Variants in SUGP2 observed in about 807,000 individuals in gnomAD.
SUGP2 encodes SURP and G-patch domain containing 2.
Under a neutral mutation model 90.5 loss-of-function variants are expected in SUGP2, and 24 were observed. The ratio of observed to expected loss-of-function variants is 0.27; its 90% CI spans 0.19 to 0.37. The LOEUF is 0.37. Ranked by LOEUF, SUGP2 falls within the 10% of genes least tolerant of loss-of-function variation. The pLI is 1.00. For missense variants in SUGP2, 1,233 were observed against 1,363.3 expected, an observed-to-expected ratio of 0.90 and a Z score of 1.51; for synonymous variants, 473 against 513.4, an observed-to-expected ratio of 0.92 and a Z score of 1.06.
chr19:19,031,961 G>C, intron 1 of SUGP2, among the ~76,000 whole-genome samples: 1 of 151,438 alleles, frequency 6.6e-6, no homozygotes, highest in East Asian at 1.9e-4. Context: ...AAGTTCACAG[G>C]TGTGTGCTGG....
rs748763593 is a variant in SUGP2 at position 19,025,759 on chromosome 19, C to A, written c.589G>T (p.Gly197Trp). Residue 197 changes from glycine (G) to tryptophan (W), a missense_variant, in exon 3 of 11, where the codon GGG (glycine) becomes TGG (tryptophan). Transcript: ENST00000452918. Reference protein sequence around the residue: ...ESRDYDVDHPGEADSVLRGGS... With the variant: ...ESRDYDVDHPWEADSVLRGGS... ...CCCCTAAGCACAGAGTCAGCCTCCC[C>A]AGGATGGTCCACGTCATAATCCCGA... 1.2e-6 allele frequency: 2 copies of A among 1,614,010 alleles called. No homozygotes were observed. Among genetic ancestry groups the A allele is most frequent in the Non-Finnish European group, 1.7e-6 (2 of 1,179,982 alleles).
intron 3 of SUGP2, among the ~76,000 whole-genome samples, chr19:19,024,385 C>A (rs1210122425): frequency 6.6e-6 from 1 of 152,232 alleles, no homozygotes; most frequent in African/African-American, 2.4e-5. Flanking sequence ...GCTGGGATTA[C>A]AGGCATGTGC....
intron 2 of SUGP2, among the ~76,000 whole-genome samples, chr19:19,030,078 C>T (rs2059093009): frequency 6.6e-6 from 1 of 151,752 alleles, no homozygotes; most frequent in Non-Finnish European, 1.5e-5. Context: ...ATGCTGAAGG[C>T]AGAGGTGGGA....
rs932735663 is a variant in SUGP2 at position 19,004,411 on chromosome 19, C to G, written c.2686G>C (p.Asp896His). 1 of 1,614,178 alleles carries G rather than the reference C, an allele frequency of 6.2e-7. No homozygotes were observed. The highest frequency in any genetic ancestry group is 1.6e-4 in the Middle Eastern group (1 of 6,062). ...ESPEVMPEEE[D>H]EDDEDGGEEA... The stretch of plus-strand genomic sequence containing the variant: ...TCTCCCCCATCCTCATCGTCCTCGT[C>G]CTCCTCCTCAGGCATCACCTCTGGG... The change falls in exon 7 of 11, where the codon GAC becomes CAC. Residue 896 changes from aspartate (D) to histidine (H), a missense_variant. Transcript: ENST00000452918.
chr19:19,026,833 G>A (rs1420155440), intron 2 of SUGP2, among the ~76,000 whole-genome samples: 4 of 152,062 alleles, frequency 2.6e-5, no homozygotes, highest in Admixed American at 2.0e-4. Context: ...CCCATCCCTC[G>A]GAAAGGTCGG....
In SUGP2 at chr19:19,010,105, C is replaced by T. The variant is rs1221201098; in HGVS notation, c.2088G>A (p.Ala696=). The T allele has an allele frequency of 6.2e-6, 10 of 1,611,934 alleles. No individual in the cohort carries two copies. Among genetic ancestry groups the T allele is most frequent in the East Asian group, 4.5e-5 (2 of 44,822 alleles). Residue 696 remains alanine (A), a synonymous_variant, in exon 5 of 11, where the codon GCG becomes GCA. Coordinates refer to ENST00000452918, the MANE Select transcript of SUGP2 (RefSeq NM_001017392.5). ...QGLRGWKARR[A]TTGTQTLLSS... Reference sequence around the variant, plus strand: ...ATAGGAGGGTCTGGGTCCCGGTGGTCGCTCTCCTCGCCTTCCAGCCCCGGA... The same window carrying T: ...ATAGGAGGGTCTGGGTCCCGGTGGTTGCTCTCCTCGCCTTCCAGCCCCGGA...
At position 18,995,260 on chromosome 19, in the gene SUGP2, G is replaced by A. The variant is rs143289736; in HGVS notation, c.3012C>T (p.Phe1004=). ...TCTTATCGGTCAGCTTCTGCTGGGC[G>A]AAGTCCAAGTCCTTGGGTTTCTGAG... ...SKKKKPKDLD[F]AQQKLTDKNL... is the part of the protein sequence containing the mutation. The change falls in exon 9 of 11, where the codon TTC becomes TTT. Residue 1004 remains phenylalanine (F), a synonymous_variant. Coordinates refer to ENST00000452918, the MANE Select transcript of SUGP2 (RefSeq NM_001017392.5). 87 of 1,610,408 alleles carry A rather than the reference G, an allele frequency of 5.4e-5. No individual in the cohort carries two copies. Among genetic ancestry groups the A allele is most frequent in the Middle Eastern group, 2.1e-4 (1 of 4,724 alleles).
In SUGP2 at chr19:19,025,479, T is replaced by C. The variant is rs2058886070; in HGVS notation, c.869A>G (p.Asp290Gly). The part of the protein sequence containing the change: ...VTLGTNPGTE[D>G]IQFPIQKIPL... ...GATCTTCTGAATGGGGAACTGGATA[T>C]CTTCTGTCCCTGGGTTTGTCCCCAG... Residue 290 changes from aspartate (D) to glycine (G), a missense_variant, in exon 3 of 11, where the codon GAT (aspartate) becomes GGT (glycine). Asp to Gly is a moderately conservative substitution (Grantham distance 94, BLOSUM62 -1). Transcript: ENST00000452918. The C allele has an allele frequency of 1.2e-6, 2 of 1,614,058 alleles. No individual in the cohort carries two copies. Among genetic ancestry groups the C allele is most frequent in the African/African-American group, 2.7e-5 (2 of 74,920 alleles).
At chr19:19,012,354 G>A (rs535656246) in intron 4 of SUGP2, among the ~76,000 whole-genome samples, 4 of 152,334 alleles carry the variant, frequency 2.6e-5, no homozygotes, top group African/African-American at 9.6e-5. Flanking sequence ...ATCAGGGCCA[G>A]GTGACCTGAC....
chr19:19,024,995 C>T lies in SUGP2; in HGVS notation c.1353G>A (p.Glu451=), dbSNP rs746409046. The change falls in exon 3 of 11, where the codon GAG becomes GAA. Residue 451 remains glutamate (E), a synonymous_variant. Coordinates refer to ENST00000452918, the MANE Select transcript of SUGP2 (RefSeq NM_001017392.5). ...TGAGGGTCTTCATCTTGACACTTAG[C>T]TCGTAGGCATTGCAGGCCATAAGCA... The part of the protein sequence containing the change: ...TPLLMACNAY[E]LSVKMKTLSN... 6.2e-7 allele frequency: 1 copy of T among 1,614,176 alleles called. No homozygotes were observed. The highest frequency in any genetic ancestry group is 8.5e-7 in the Non-Finnish European group (1 of 1,180,022).
intron 4 of SUGP2, among the ~76,000 whole-genome samples, chr19:19,010,720 C>G (rs747064544): frequency 6.6e-6 from 1 of 152,202 alleles, no homozygotes; most frequent in South Asian, 2.1e-4. Context: ...TTGACTGCAT[C>G]AAGGAAAGTG....
rs1462156828 is a variant in SUGP2 at position 19,026,054 on chromosome 19, A to G, written c.294T>C (p.Ser98=). The stretch of plus-strand genomic sequence containing the variant: ...ATTCTTTGCGAAAGTAGCTGTCATC[A>G]CTGATGGAAGGGTTGCTTGATCTGA... ...PSFRSSNPSI[S]DDSYFRKECG... The change falls in exon 3 of 11, where the codon AGT becomes AGC. Residue 98 remains serine (S), a synonymous_variant. Coordinates refer to ENST00000452918, the MANE Select transcript of SUGP2 (RefSeq NM_001017392.5). 1.2e-6 allele frequency: 2 copies of G among 1,614,100 alleles called. No individual in the cohort carries two copies. Among genetic ancestry groups the G allele is most frequent in the African/African-American group, 2.7e-5 (2 of 75,022 alleles).
At position 18,992,759 on chromosome 19, in the gene SUGP2, T is replaced by A. The variant is rs910016611; in HGVS notation, c.*982A>T. On this transcript the variant is annotated 3_prime_UTR_variant, in exon 11 of 11. Coordinates refer to ENST00000452918, the MANE Select transcript of SUGP2 (RefSeq NM_001017392.5). ...CCCTAATCCTGGGGTGTCAGAGGGA[T>A]CCTAAGTTTTCCAGATTTTTGCCCA... 6.6e-6 allele frequency: 1 copy of A among 152,154 alleles called. No homozygotes were observed. The highest frequency in any genetic ancestry group is 1.5e-5 in the Non-Finnish European group (1 of 68,038). 9.4% of individuals were successfully genotyped at this position (152,154 alleles called of 1,614,324 possible).
Position 18,995,255 on chromosome 19 carries a change from T to G in SUGP2, c.3017A>C (p.Gln1006Pro). ...CAGGTTCTTATCGGTCAGCTTCTGC[T>G]GGGCGAAGTCCAAGTCCTTGGGTTT... ...KKKPKDLDFA[Q>P]QKLTDKNLGF... Residue 1006 changes from glutamine to proline, a missense_variant, in exon 9 of 11, where the codon CAG becomes CCG. Gln to Pro is a moderately conservative substitution (Grantham distance 76, BLOSUM62 -1). Around this residue, in one of 8 missense-constraint regions of SUGP2, gnomAD observed 105 missense variants for 155.2 expected, o/e 0.68. Transcript: ENST00000452918. 1 of 1,611,396 alleles carries G rather than the reference T, an allele frequency of 6.2e-7. No individual in the cohort carries two copies. The highest frequency in any genetic ancestry group is 1.3e-5 in the African/African-American group (1 of 74,964).
At chr19:19,022,387 T>G (rs2058760541) in intron 3 of SUGP2, among the ~76,000 whole-genome samples, 1 of 152,206 alleles carries the variant, frequency 6.6e-6, no homozygotes, top group African/African-American at 2.4e-5. Flanking sequence ...AACTGAGGCT[T>G]GCAGATGCTA....
At position 19,025,750 on chromosome 19, in the gene SUGP2, C is replaced by T. The variant is rs774997390; in HGVS notation, c.598G>A (p.Asp200Asn). The change falls in exon 3 of 11, where the codon GAC (aspartate) becomes AAC (asparagine). Residue 200 changes from aspartate (D) to asparagine (N), a missense_variant. This residue lies in a region of SUGP2 where 418 missense variants were observed against 399.9 expected (regional missense o/e 1.05). Coordinates refer to ENST00000452918, the MANE Select transcript of SUGP2 (RefSeq NM_001017392.5). ...DYDVDHPGEA[D>N]SVLRGGSQVQ... is the part of the protein sequence containing the mutation. ...TGACTGCCGCCCCTAAGCACAGAGT[C>T]AGCCTCCCCAGGATGGTCCACGTCA... 6.8e-6 allele frequency: 11 copies of T among 1,614,008 alleles called. No individual in the cohort carries two copies. The South Asian group carries it at 1.1e-4, about 16-fold the overall frequency.
At chr19:18,997,778 G>A (rs117646247) in intron 8 of SUGP2, among the ~76,000 whole-genome samples, 4,177 of 93,646 alleles carry the variant, frequency 0.045, 91 homozygotes, top group Middle Eastern at 0.15. Flanking sequence ...GGGAGACTCC[G>A]TCTCAAAAAA....
At chr19:19,019,260 A>G (rs1382261426) in intron 3 of SUGP2, 31 bp from the exon 4 acceptor site, 1 of 1,594,808 alleles carries the variant, frequency 6.3e-7, no homozygotes, top group Admixed American at 1.7e-5. Flanking sequence ...TCTCTGAGAA[A>G]TATGCTGAAT....
chr19:19,025,006 T>C lies in SUGP2; in HGVS notation c.1342A>G (p.Asn448Asp). Residue 448 changes from asparagine to aspartate, a missense_variant, in exon 3 of 11, where the codon AAT (asparagine) becomes GAT (aspartate). Coordinates refer to ENST00000452918, the MANE Select transcript of SUGP2 (RefSeq NM_001017392.5). ...ATCTTGACACTTAGCTCGTAGGCAT[T>C]GCAGGCCATAAGCAAAGGTGTGACA... is the stretch of plus-strand genomic sequence containing the variant. Reference protein sequence around the residue: ...KSVTPLLMACNAYELSVKMKT... With the variant: ...KSVTPLLMACDAYELSVKMKT... 1 of 1,614,188 alleles carries C rather than the reference T, an allele frequency of 6.2e-7. No individual in the cohort carries two copies. The highest frequency in any genetic ancestry group is 8.5e-7 in the Non-Finnish European group (1 of 1,180,028).
Sources: allele counts gnomAD v4.1 joint callset (sites outside exome capture counted in the v4.1 genomes callset), GRCh38; gene constraint gnomAD v4.1.1; regional missense constraint gnomAD v4.1.1; transcripts MANE v1.5; gene names NCBI Gene and HGNC (gene_info 2026-07-23, HGNC 2026-07-21).